Variants in BCAS3 observed in about 807,000 individuals in gnomAD.
BCAS3 encodes the protein BCAS3 microtubule associated cell migration factor, also known as BCAS4/BCAS3 fusion.
BCAS3 carries 53 observed loss-of-function variants against 116.1 expected under a neutral mutation model. That is an observed-to-expected ratio of 0.46 (90% CI 0.37 to 0.57). The LOEUF is 0.57. BCAS3 is among the 20% of genes least tolerant of loss of function. The pLI is 0.00. For missense variants in BCAS3, 917 were observed against 1,165.4 expected (o/e 0.79, Z 3.10); for synonymous variants, 391 against 408.2 (o/e 0.96, Z 0.51).
intron 22 of BCAS3, among the ~76,000 whole-genome samples, chr17:61,303,258 T>C (rs2053588058): frequency 6.6e-6 from 1 of 152,228 alleles, no homozygotes; most frequent in Non-Finnish European, 1.5e-5. Context: ...TGTGGGCATC[T>C]TCTGAGCTGC....
intron 22 of BCAS3, among the ~76,000 whole-genome samples, chr17:61,237,353 G>T (rs916775676): frequency 6.6e-6 from 1 of 152,226 alleles, no homozygotes. Flanking sequence ...GATCCTAAAA[G>T]TAGCCAATCG....
At chr17:61,100,333 AT>A (rs1245527942) in intron 22 of BCAS3, among the ~76,000 whole-genome samples, 5 of 152,172 alleles carry the variant, frequency 3.3e-5, no homozygotes, top group African/African-American at 4.8e-5. Flanking sequence ...ATTCATAGCC[AT>A]GAGTCAGTAC....
At chr17:61,283,882 G>GC (rs1005380838) in intron 22 of BCAS3, among the ~76,000 whole-genome samples, 6 of 152,186 alleles carry the variant, frequency 3.9e-5, no homozygotes, top group Non-Finnish European at 8.8e-5. Flanking sequence ...TCCTGCCTCA[G>GC]CCCCCCAAGT....
At chr17:61,236,660 T>C (rs1314998474) in intron 22 of BCAS3, among the ~76,000 whole-genome samples, 1 of 152,116 alleles carries the variant, frequency 6.6e-6, no homozygotes, top group Non-Finnish European at 1.5e-5. Context: ...CAAAGCCCTG[T>C]GTTAGTACTC....
intron 5 of BCAS3, among the ~76,000 whole-genome samples, chr17:60,710,841 C>G (rs551827042): frequency 5.4e-5 from 8 of 147,132 alleles, no homozygotes; most frequent in African/African-American, 2.0e-4. Flanking sequence ...CTCACTTTGT[C>G]ACCCAGGCTC....
At position 61,023,247 on chromosome 17, in the gene BCAS3, A is replaced by C. The variant is rs375659231; in HGVS notation, c.1637+7346A>C. Among the ~76,000 whole-genome samples, 21 of 152,310 alleles carry C rather than the reference A, an allele frequency of 1.4e-4. No homozygotes were observed. Among genetic ancestry groups the C allele is most frequent in the African/African-American group, 5.1e-4 (21 of 41,580 alleles). On this transcript the variant is annotated intron_variant, in intron 16 of 23. Coordinates refer to ENST00000407086, the MANE Select transcript of BCAS3 (RefSeq NM_017679.5). This position sits in a 1 kb window ranked among gnomAD's most constrained non-coding sequence, Gnocchi z 4.8. Reference sequence around the variant, plus strand: ...ATCCCTAGAATTTATTTTTAGAGAAATATGGCTCTGCTTCAATATTTGACA... The same window carrying C: ...ATCCCTAGAATTTATTTTTAGAGAACTATGGCTCTGCTTCAATATTTGACA...
intron 6 of BCAS3, among the ~76,000 whole-genome samples, chr17:60,752,554 G>C (rs1258844282): frequency 6.6e-6 from 1 of 151,882 alleles, no homozygotes; most frequent in Non-Finnish European, 1.5e-5. Flanking sequence ...CTCCCGAGTA[G>C]CTGAGACTAC....
In BCAS3 at chr17:61,034,242, A is replaced by C. The variant is rs1322626124; in HGVS notation, c.1638-424A>C. Among the ~76,000 whole-genome samples, 4 of 152,232 alleles carry C rather than the reference A, an allele frequency of 2.6e-5. No homozygotes were observed. The highest frequency in any genetic ancestry group is 5.9e-5 in the Non-Finnish European group (4 of 68,038). Reference sequence around the variant, plus strand: ...AATCCCACATCTTATAGATTGGTGCAAAGGCAGTGGCAAAAACCACAATTA... The same window carrying C: ...AATCCCACATCTTATAGATTGGTGCCAAGGCAGTGGCAAAAACCACAATTA... On this transcript the variant is annotated intron_variant, in intron 16 of 23. Transcript: ENST00000407086. The surrounding 1 kb of genome is among the most constrained non-coding windows in gnomAD (Gnocchi z 5.0).
chr17:60,935,832 C>G (rs560437957), intron 13 of BCAS3, among the ~76,000 whole-genome samples: 36 of 151,724 alleles, frequency 2.4e-4, no homozygotes, highest in African/African-American at 8.7e-4. Flanking sequence ...CTTTGAGCAC[C>G]CATTTAGCCA....
rs1003509662 is a variant in BCAS3, at chr17:61,302,942, T to C, written c.2426-65385T>C. Among the ~76,000 whole-genome samples, 1 of 152,166 alleles carries C rather than the reference T, an allele frequency of 6.6e-6. No individual in the cohort carries two copies. The highest frequency in any genetic ancestry group is 1.5e-5 in the Non-Finnish European group (1 of 68,036). On this transcript the variant is annotated intron_variant, in intron 22 of 23. Transcript: ENST00000407086. The surrounding 1 kb of genome is among the most constrained non-coding windows in gnomAD (Gnocchi z 4.4). ...ATCTCTAAGGTCCCTTCCAGTGCCATCTGACCATCCATGGCTCTAGGATAT... is the reference window on the plus strand; with the variant it reads ...ATCTCTAAGGTCCCTTCCAGTGCCACCTGACCATCCATGGCTCTAGGATAT...
intron 4 of BCAS3, among the ~76,000 whole-genome samples, chr17:60,697,083 G>A (rs572508227): frequency 2.0e-5 from 3 of 151,964 alleles, no homozygotes; most frequent in Non-Finnish European, 2.9e-5. Context: ...CTACCTACTC[G>A]AGAGGCTGAG....
intron 22 of BCAS3, among the ~76,000 whole-genome samples, chr17:61,242,516 G>A (rs959173390): frequency 2.0e-5 from 3 of 152,062 alleles, no homozygotes; most frequent in African/African-American, 7.2e-5. Context: ...TCCTTTAGAC[G>A]TGACAAGACC....
chr17:60,934,572 T>A (rs1365038527), intron 13 of BCAS3, among the ~76,000 whole-genome samples: 1 of 152,240 alleles, frequency 6.6e-6, no homozygotes, highest in Non-Finnish European at 1.5e-5. Context: ...CCTTACTAGT[T>A]GTTAAACACT....
At chr17:60,907,830 T>C (rs930214273) in intron 11 of BCAS3, among the ~76,000 whole-genome samples, 1 of 152,216 alleles carries the variant, frequency 6.6e-6, no homozygotes, top group African/African-American at 2.4e-5. Context: ...ATACATACTC[T>C]GTCTACTAAA....
chr17:60,924,463 T>A lies in BCAS3; in HGVS notation c.1050T>A (p.His350Gln), dbSNP rs1261826570. ...GCATTGTGGCCCACTTCCCTGCCCA[T>A]GAGAAGCCAGTGTGCTGCATGGCTT... ...SDGIVAHFPA[H>Q]EKPVCCMAFN... is the part of the protein sequence containing the mutation. The change falls in exon 13 of 24, where the codon CAT becomes CAA. Residue 350 changes from histidine (H) to glutamine (Q), a missense_variant. Coordinates refer to ENST00000407086, the MANE Select transcript of BCAS3 (RefSeq NM_017679.5). 3.7e-6 allele frequency: 6 copies of A among 1,613,540 alleles called. No individual in the cohort carries two copies. Among genetic ancestry groups the A allele is most frequent in the Non-Finnish European group, 5.1e-6 (6 of 1,179,816 alleles).
At chr17:60,895,516 A>C (rs941986143) in intron 10 of BCAS3, among the ~76,000 whole-genome samples, 1 of 151,272 alleles carries the variant, frequency 6.6e-6, no homozygotes, top group Non-Finnish European at 1.5e-5. Context: ...TTATTCATTG[A>C]TCTTTTGTAT....
chr17:61,059,618 G>T (rs2069772950), intron 19 of BCAS3, among the ~76,000 whole-genome samples: 1 of 152,162 alleles, frequency 6.6e-6, no homozygotes, highest in Non-Finnish European at 1.5e-5. Context: ...AGGTGGCACA[G>T]GTGAACATAC....
At chr17:61,002,598 T>G (rs957448821) in intron 15 of BCAS3, 1 of 152,138 alleles carries the variant, frequency 6.6e-6, no homozygotes, top group African/African-American at 2.4e-5. Flanking sequence ...CAACGTCTTC[T>G]TAGAGAATTC....
chr17:61,209,945 C>G (rs1194404230), intron 22 of BCAS3, among the ~76,000 whole-genome samples: 1 of 152,172 alleles, frequency 6.6e-6, no homozygotes, highest in Non-Finnish European at 1.5e-5. Flanking sequence ...GAAGATCACC[C>G]ACCCTTTTAG....
Sources: gnomAD v4.1 joint callset for allele counts (sites outside exome capture counted in the v4.1 genomes callset) on GRCh38, gnomAD v4.1.1 for gene constraint, Gnocchi (gnomAD v3.1) non-coding constraint, MANE v1.5 for transcripts, NCBI Gene and HGNC (gene_info 2026-07-23, HGNC 2026-07-21) for gene names.